THAP5: variants seen among roughly 807,000 people sequenced by gnomAD.
The protein encoded by THAP5 is THAP domain-containing protein 5.
THAP5 carries 26 observed loss-of-function variants against 34.0 expected under a neutral mutation model. The ratio of observed to expected loss-of-function variants is 0.77; its 90% CI spans 0.56 to 1.06. THAP5 has a LOEUF of 1.06. Among genes scored for constraint, THAP5 ranks in the 50% least tolerant of loss-of-function variants. The probability of loss-of-function intolerance (pLI) is 0.00; values close to 1 mark genes in which losing one functional copy is unlikely to be tolerated. For missense variants in THAP5, 394 were observed against 452.8 expected (o/e 0.87, Z 1.18); for synonymous variants, 125 against 153.0 (o/e 0.82, Z 1.35).
At chr7:108,549,385 G>T in the THAP5 span, among the ~76,000 whole-genome samples, 1 of 152,164 alleles carries the variant, frequency 6.6e-6, no homozygotes, top group Non-Finnish European at 1.5e-5. Flanking sequence ...CTCCCAAAGT[G>T]CTGGGATTAC....
downstream of THAP5, among the ~76,000 whole-genome samples, chr7:108,559,321 TG>T (rs1297555838): frequency 1.3e-5 from 2 of 152,230 alleles, no homozygotes; most frequent in East Asian, 3.8e-4. Context: ...CTTTCTAGCA[TG>T]AAAATACGAG....
downstream of THAP5, among the ~76,000 whole-genome samples, chr7:108,550,120 G>A (rs1278563900): frequency 2.0e-5 from 3 of 152,044 alleles, no homozygotes; most frequent in Admixed American, 6.5e-5. Flanking sequence ...CCTTAGAAAG[G>A]GTCCAGAGGA....
the THAP5 span, among the ~76,000 whole-genome samples, chr7:108,543,542 C>T: frequency 2.6e-5 from 4 of 152,202 alleles, no homozygotes; most frequent in East Asian, 1.9e-4. Flanking sequence ...CTACAAACAT[C>T]ACAACTAGGG....
chr7:108,566,840 T>C (rs1175261963), intron 1 of THAP5, among the ~76,000 whole-genome samples: 2 of 152,198 alleles, frequency 1.3e-5, no homozygotes. Context: ...CAGAATTTGA[T>C]AGAAAATTTT....
chr7:108,569,714 C>CACTT, upstream of THAP5: 4 of 1,069,094 alleles, frequency 3.7e-6, no homozygotes, highest in Non-Finnish European at 5.4e-6. Flanking sequence ...TCTGTCGACT[C>CACTT]ACTTCCGCCT....
chr7:108,561,678 A>AT (rs1179520470), downstream of THAP5, among the ~76,000 whole-genome samples: 9 of 152,248 alleles, frequency 5.9e-5, no homozygotes, highest in Admixed American at 4.6e-4. Context: ...GAGAGACAGA[A>AT]TTTGAGTGTG....
In THAP5 at chr7:108,563,920, CTTT is replaced by C. The variant is rs1017248838; in HGVS notation, c.*268_*270del. 10 of 254,610 alleles carry C rather than the reference CTTT, an allele frequency of 3.9e-5. No individual in the cohort carries two copies. Among genetic ancestry groups the C allele is most frequent in the South Asian group, 9.9e-5 (1 of 10,080 alleles). The allele number at this position is 254,610 out of a possible 1,614,324, so 15.8% of individuals were successfully genotyped here. On this transcript the variant is annotated 3_prime_UTR_variant, in exon 3 of 3. Coordinates refer to ENST00000415914, the MANE Select transcript of THAP5 (RefSeq NM_001130475.3). ...TCTAGTCTGTGCTCTTTGAACACTT[CTTT>C]GTTTTCTCATGTTATAACTGAATCC...
chr7:108,558,381 GTATATATATA>G (rs66806128), downstream of THAP5, among the ~76,000 whole-genome samples: 249 of 93,808 alleles, frequency 2.7e-3, 12 homozygotes, highest in African/African-American at 7.7e-3. Flanking sequence ...GTGTGTGTAT[GTATATATATA>G]TATATATATA....
intron 1 of THAP5, among the ~76,000 whole-genome samples, chr7:108,566,827 T>C (rs1475053583): frequency 6.6e-6 from 1 of 152,192 alleles, no homozygotes; most frequent in East Asian, 1.9e-4. Flanking sequence ...TTACAGTGTA[T>C]GGCAGAATTT....
downstream of THAP5, among the ~76,000 whole-genome samples, chr7:108,560,764 A>G (rs1261156994): frequency 6.6e-6 from 1 of 152,196 alleles, no homozygotes; most frequent in Non-Finnish European, 1.5e-5. Flanking sequence ...CTTTTGTGAC[A>G]GGGTCTCACT....
chr7:108,549,153 C>T, the THAP5 span, among the ~76,000 whole-genome samples: 5 of 147,134 alleles, frequency 3.4e-5, no homozygotes, highest in Non-Finnish European at 3.0e-5. Flanking sequence ...TTTTGAGTCT[C>T]GCTTTGTCAC....
At chr7:108,543,138 AG>A in the THAP5 span, among the ~76,000 whole-genome samples, 1 of 151,528 alleles carries the variant, frequency 6.6e-6, no homozygotes, top group Non-Finnish European at 1.5e-5. Flanking sequence ...CGTATTAGCC[AG>A]GATTGTCTCG....
the THAP5 span, among the ~76,000 whole-genome samples, chr7:108,546,677 C>T: frequency 6.6e-6 from 1 of 152,194 alleles, no homozygotes; most frequent in African/African-American, 2.4e-5. Context: ...CTTAATAGTG[C>T]TGTCGCCTCA....
intron 1 of THAP5, among the ~76,000 whole-genome samples, chr7:108,555,360 G>T (rs934956270): frequency 6.6e-6 from 1 of 152,144 alleles, no homozygotes; most frequent in Non-Finnish European, 1.5e-5. Flanking sequence ...TAGAGGAGGG[G>T]TTTCACTGTG....
chr7:108,564,527 T>C lies in THAP5; in HGVS notation c.852A>G (p.Ser284=). The C allele has an allele frequency of 6.2e-7, 1 of 1,613,900 alleles. No individual in the cohort carries two copies. Among genetic ancestry groups the C allele is most frequent in the Non-Finnish European group, 8.5e-7 (1 of 1,179,900 alleles). The part of the protein sequence containing the change: ...IFVPAENSKP[S]VNSFISAQKE... ...TTTGTGCAGATATAAAAGAATTAAC[T>C]GAGGGTTTAGAATTTTCAGCAGGTA... The change falls in exon 3 of 3, where the codon TCA becomes TCG. Residue 284 remains serine, a synonymous_variant. Coordinates refer to ENST00000415914, the MANE Select transcript of THAP5 (RefSeq NM_001130475.3).
At chr7:108,557,589 A>G (rs1468901275), downstream of THAP5, among the ~76,000 whole-genome samples, 2 of 152,166 alleles carry the variant, frequency 1.3e-5, no homozygotes, top group Admixed American at 6.5e-5. Flanking sequence ...CCAGTTCCCA[A>G]TAAATTCCCC....
At chr7:108,556,117 C>G (rs1864384214) in intron 1 of THAP5, among the ~76,000 whole-genome samples, 1 of 152,100 alleles carries the variant, frequency 6.6e-6, no homozygotes, top group Non-Finnish European at 1.5e-5. Flanking sequence ...AGAGGAAAGT[C>G]CACCCCATGA....
rs796098532 is a variant in THAP5, at chr7:108,562,286, TTAAG to T, written c.*1901_*1904del. 8.8e-4 allele frequency: 134 copies of T among 152,276 alleles called. No individual in the cohort carries two copies. The highest frequency in any genetic ancestry group is 3.1e-3 in the East Asian group (16 of 5,184). 9.4% of individuals were successfully genotyped at this position (152,276 alleles called of 1,614,324 possible). A position where few individuals can be genotyped will look rare whatever the true frequency, so the allele number is the denominator to read the frequency against. On this transcript the variant is annotated 3_prime_UTR_variant, in exon 3 of 3. Coordinates refer to ENST00000415914, the MANE Select transcript of THAP5 (RefSeq NM_001130475.3). ...CAAGATTATTTTCATCTGTATTAAATTAAGTATTTGCAAAATGCAACATAGGAAT... is the reference window on the plus strand; with the variant it reads ...CAAGATTATTTTCATCTGTATTAAATTATTTGCAAAATGCAACATAGGAAT...
At chr7:108,559,719 A>G (rs2154517958), downstream of THAP5, among the ~76,000 whole-genome samples, 1 of 152,282 alleles carries the variant, frequency 6.6e-6, no homozygotes, top group South Asian at 2.1e-4. Context: ...CAATCATAGC[A>G]TAAGGGGAAG....
Sources: allele counts gnomAD v4.1 joint callset (sites outside exome capture counted in the v4.1 genomes callset), GRCh38; gene constraint gnomAD v4.1.1; transcripts MANE v1.5; gene names NCBI Gene and HGNC (gene_info 2026-07-23, HGNC 2026-07-21).